Variants in PLD5 observed in about 807,000 individuals in gnomAD.
PLD5 encodes phospholipase D family member 5, also known as inactive phospholipase D5.
PLD5 carries 36 observed loss-of-function variants against 61.1 expected under a neutral mutation model. That is an observed-to-expected ratio of 0.59 (90% CI 0.45 to 0.78). The LOEUF (loss-of-function observed/expected upper bound fraction) is 0.78, where lower values mean the gene tolerates loss of function less well. Ranked by LOEUF, PLD5 falls within the 30% of genes least tolerant of loss-of-function variation. PLD5 has a pLI of 0.00. For missense variants in PLD5, 515 were observed against 644.4 expected, an observed-to-expected ratio of 0.80 and a Z score of 2.17; for synonymous variants, 243 against 242.8, an observed-to-expected ratio of 1.00 and a Z score of -0.01.
chr1:242,261,766 G>T (rs1396091363), intron 4 of PLD5, among the ~76,000 whole-genome samples: 2 of 152,172 alleles, frequency 1.3e-5, no homozygotes, highest in African/African-American at 4.8e-5. Flanking sequence ...TCAGAGAAAT[G>T]AATATTAAAG....
intron 1 of PLD5, among the ~76,000 whole-genome samples, chr1:242,429,666 G>A (rs1256486053): frequency 2.0e-5 from 3 of 152,152 alleles, no homozygotes; most frequent in Non-Finnish European, 4.4e-5. Flanking sequence ...TTCTTATCAT[G>A]AGTACATTCC....
At chr1:242,359,430 T>A (rs1326767489) in intron 1 of PLD5, among the ~76,000 whole-genome samples, 1 of 152,130 alleles carries the variant, frequency 6.6e-6, no homozygotes, top group South Asian at 2.1e-4. Flanking sequence ...TTTATTTAGT[T>A]CCATGGAAAT....
In PLD5 at chr1:242,461,674, C is replaced by T. The variant is rs563860859; in HGVS notation, c.189+62414G>A. 1.4e-3 allele frequency among the ~76,000 whole-genome samples: 216 copies of T among 152,276 alleles called. 2 individuals carry two copies. The highest frequency in any genetic ancestry group is 5.1e-3 in the African/African-American group (210 of 41,566). Reference sequence around the variant, plus strand: ...TCTTTGAGAAATCGCCAGGCTGCTTCCCACGGTGGCTGAACTAACTTATAT... The same window carrying T: ...TCTTTGAGAAATCGCCAGGCTGCTTTCCACGGTGGCTGAACTAACTTATAT... On this transcript the variant is annotated intron_variant, in intron 1 of 9. Coordinates refer to ENST00000536534, the MANE Select transcript of PLD5 (RefSeq NM_001372062.1).
intron 1 of PLD5, among the ~76,000 whole-genome samples, chr1:242,504,026 C>A (rs957453416): frequency 3.3e-5 from 5 of 152,130 alleles, no homozygotes; most frequent in African/African-American, 4.8e-5. Flanking sequence ...CACAGACTAA[C>A]CAAATATGGG....
chr1:242,474,444 T>C (rs543791161), intron 1 of PLD5, among the ~76,000 whole-genome samples: 1 of 152,292 alleles, frequency 6.6e-6, no homozygotes, highest in South Asian at 2.1e-4. Flanking sequence ...GTCCAAAATA[T>C]TCTTCAATTA....
At chr1:242,394,859 T>TAC (rs1423163128) in intron 1 of PLD5, among the ~76,000 whole-genome samples, 10 of 121,184 alleles carry the variant, frequency 8.3e-5, no homozygotes, top group East Asian at 2.2e-4. Flanking sequence ...TGAATATATA[T>TAC]GTATATATGA....
At chr1:242,346,056 C>T (rs1349108699) in intron 2 of PLD5, among the ~76,000 whole-genome samples, 1 of 100,070 alleles carries the variant, frequency 1.0e-5, no homozygotes, top group Non-Finnish European at 1.9e-5. Flanking sequence ...ATTTATATCA[C>T]ATATATATGA....
At chr1:242,329,760 T>C (rs1465061694) in intron 2 of PLD5, among the ~76,000 whole-genome samples, 1 of 152,186 alleles carries the variant, frequency 6.6e-6, no homozygotes. Flanking sequence ...CTCTAGGTGA[T>C]TGCAATGTGC....
At chr1:242,177,701 C>A (rs1445382028) in intron 5 of PLD5, 3 of 152,196 alleles carry the variant, frequency 2.0e-5, no homozygotes. Flanking sequence ...TCCATAAAAT[C>A]TATAAATAAG....
chr1:242,132,198 G>C (rs909266828), intron 5 of PLD5, among the ~76,000 whole-genome samples: 3 of 98,318 alleles, frequency 3.1e-5, no homozygotes, highest in Admixed American at 1.9e-4. Context: ...ATTGCGGGGG[G>C]GGGGGGGGGC....
intron 5 of PLD5, among the ~76,000 whole-genome samples, chr1:242,206,877 C>T (rs1184763886): frequency 6.6e-6 from 1 of 152,040 alleles, no homozygotes; most frequent in Non-Finnish European, 1.5e-5. Flanking sequence ...CAGATCCATG[C>T]AGAGAAAGAG....
chr1:242,123,398 G>C (rs1039815049), intron 6 of PLD5, among the ~76,000 whole-genome samples: 3 of 152,214 alleles, frequency 2.0e-5, no homozygotes, highest in Non-Finnish European at 4.4e-5. Context: ...TCTTACTCCA[G>C]TTCAGGGTCA....
At chr1:242,127,140 A>T (rs986303497) in intron 5 of PLD5, among the ~76,000 whole-genome samples, 1 of 152,142 alleles carries the variant, frequency 6.6e-6, no homozygotes, top group African/African-American at 2.4e-5. Context: ...TATAATCAAA[A>T]AATAAAAAAA....
chr1:242,391,372 GA>G (rs1001266742), intron 1 of PLD5, among the ~76,000 whole-genome samples: 7 of 151,722 alleles, frequency 4.6e-5, no homozygotes, highest in African/African-American at 1.7e-4. Flanking sequence ...ACATAAATAG[GA>G]AAAAAAGAAC....
rs1317437701 is a variant in PLD5, at chr1:242,524,188, G to T, written c.89C>A (p.Ser30Tyr). The change falls in exon 1 of 10, where the codon TCC becomes TAC. Residue 30 changes from serine to tyrosine, a missense_variant. Physicochemically the swap from Ser to Tyr is moderately radical, Grantham distance 144 (BLOSUM62 -2). Coordinates refer to ENST00000536534, the MANE Select transcript of PLD5 (RefSeq NM_001372062.1). ...CGCGCCCACTCGGGTCAGGCTTGGGGAGGGCTCCTTGGGGCGGCTTTTGAG... is the reference window on the plus strand; with the variant it reads ...CGCGCCCACTCGGGTCAGGCTTGGGTAGGGCTCCTTGGGGCGGCTTTTGAG... ...MRLKSRPKEP[S>Y]PSLTRVGANF... 5.2e-6 allele frequency: 8 copies of T among 1,534,500 alleles called. No individual in the cohort carries two copies. The highest frequency in any genetic ancestry group is 1.7e-4 in the Middle Eastern group (1 of 5,986).
intron 4 of PLD5, among the ~76,000 whole-genome samples, chr1:242,234,928 G>A (rs898881385): frequency 6.6e-6 from 1 of 152,202 alleles, no homozygotes; most frequent in South Asian, 2.1e-4. Context: ...TTCCTAGTTC[G>A]AATGTTGCTT....
At chr1:242,466,128 C>A (rs1296986590) in intron 1 of PLD5, among the ~76,000 whole-genome samples, 2 of 152,156 alleles carry the variant, frequency 1.3e-5, no homozygotes, top group African/African-American at 2.4e-5. Flanking sequence ...ATTCCCCCAT[C>A]CTACTCTAAT....
chr1:242,435,905 A>AG (rs1191111154), intron 1 of PLD5, among the ~76,000 whole-genome samples: 3 of 152,234 alleles, frequency 2.0e-5, no homozygotes, highest in African/African-American at 7.2e-5. Flanking sequence ...AAACCAACCC[A>AG]GAAAGGTAAG....
intron 1 of PLD5, among the ~76,000 whole-genome samples, chr1:242,413,773 AC>A (rs1198957840): frequency 6.6e-6 from 1 of 152,172 alleles, no homozygotes; most frequent in Non-Finnish European, 1.5e-5. Flanking sequence ...AGCTGAGCGC[AC>A]CAGCAGAGGT....
Sources: allele counts gnomAD v4.1 joint callset (sites outside exome capture counted in the v4.1 genomes callset), GRCh38; gene constraint gnomAD v4.1.1; transcripts MANE v1.5; gene names NCBI Gene and HGNC (gene_info 2026-07-23, HGNC 2026-07-21).